Variants in LCA5 observed in about 807,000 individuals in gnomAD.
LCA5 encodes the protein lebercilin LCA5.
A neutral mutation model predicts 53.0 loss-of-function variants in LCA5; 37 were observed. The ratio of observed to expected loss-of-function variants is 0.70; its 90% CI spans 0.54 to 0.92. The LOEUF is 0.92. LCA5 is among the 40% of genes least tolerant of loss of function. The probability of loss-of-function intolerance (pLI) is 0.00; values close to 1 mark genes in which losing one functional copy is unlikely to be tolerated. For synonymous variants in LCA5, 303 were observed against 282.9 expected (o/e 1.07, Z -0.71); for missense variants, 806 against 790.5 (o/e 1.02, Z -0.23).
intron 6 of LCA5, among the ~76,000 whole-genome samples, chr6:79,489,749 A>G (rs1005908174): frequency 1.3e-5 from 2 of 152,194 alleles, no homozygotes; most frequent in African/African-American, 4.8e-5. Context: ...ATTTTTCTTA[A>G]TAAAAGTGAA....
At chr6:79,504,036 T>A (rs1281127474) in intron 3 of LCA5, among the ~76,000 whole-genome samples, 1 of 152,108 alleles carries the variant, frequency 6.6e-6, no homozygotes, top group Admixed American at 6.6e-5. Flanking sequence ...AAAATGTAAA[T>A]GCTCTAGAAT....
At chr6:79,492,154 A>T (rs1769861962) in intron 5 of LCA5, among the ~76,000 whole-genome samples, 1 of 152,062 alleles carries the variant, frequency 6.6e-6, no homozygotes, top group African/African-American at 2.4e-5. Flanking sequence ...GCTAAGATTT[A>T]CTTTATAATA....
chr6:79,491,724 C>T lies in LCA5; in HGVS notation c.962G>A (p.Cys321Tyr), dbSNP rs765076255. 1.9e-6 allele frequency: 3 copies of T among 1,612,380 alleles called. No individual in the cohort carries two copies. The highest frequency in any genetic ancestry group is 2.7e-5 in the African/African-American group (2 of 74,808). Residue 321 changes from cysteine to tyrosine, a missense_variant, in exon 6 of 8, where the codon TGC (cysteine) becomes TAC (tyrosine). Physicochemically the swap from Cys to Tyr is radical, Grantham distance 194. Coordinates refer to ENST00000369846, the MANE Select transcript of LCA5 (RefSeq NM_001122769.3). The stretch of plus-strand genomic sequence containing the variant: ...ACACAGGTCTGCAAAATCACTCTGG[C>T]ATGCAGCTACAGTGAAAATTATTTT... ...KELALRKNAA[C>Y]QSDFADLCTK... is the part of the protein sequence containing the mutation.
chr6:79,496,749 G>A (rs1275656987), intron 3 of LCA5, among the ~76,000 whole-genome samples: 1 of 152,042 alleles, frequency 6.6e-6, no homozygotes, highest in Non-Finnish European at 1.5e-5. Context: ...AAAAACAAAT[G>A]TGTAAGTTTT....
At chr6:79,526,727 A>C (rs1468637782) in intron 1 of LCA5, among the ~76,000 whole-genome samples, 1 of 152,170 alleles carries the variant, frequency 6.6e-6, no homozygotes, top group Non-Finnish European at 1.5e-5. Flanking sequence ...TAAAAAGAGT[A>C]AATCAAACTC....
chr6:79,532,547 C>A (rs556778276), intron 1 of LCA5, among the ~76,000 whole-genome samples: 2 of 152,168 alleles, frequency 1.3e-5, no homozygotes, highest in Non-Finnish European at 2.9e-5. Flanking sequence ...GGCAAACTAG[C>A]CTTCTTCTGT....
chr6:79,503,406 CA>C (rs1330069008), intron 3 of LCA5, among the ~76,000 whole-genome samples: 1 of 152,002 alleles, frequency 6.6e-6, no homozygotes, highest in East Asian at 1.9e-4. Flanking sequence ...GAAGAACTGC[CA>C]AAATTTGAAA....
At chr6:79,535,624 G>A in intron 1 of LCA5, among the ~76,000 whole-genome samples, 1 of 152,034 alleles carries the variant, frequency 6.6e-6, no homozygotes, top group East Asian at 1.9e-4. Flanking sequence ...GTTCAATATT[G>A]GACATACTGA....
intron 2 of LCA5, 77 bp from the exon 3 acceptor site, chr6:79,513,818 G>T: frequency 7.6e-7 from 1 of 1,308,244 alleles, no homozygotes; most frequent in Non-Finnish European, 1.1e-6. Flanking sequence ...AACACAAGTG[G>T]GTCCGTAACA....
At position 79,485,155 on chromosome 6, in the gene LCA5, T is replaced by C. The variant is rs1337632337; in HGVS notation, c.*1849A>G. The stretch of plus-strand genomic sequence containing the variant: ...TAATATCATAATGCCTTTAAATCTG[T>C]AACTTAACTTTAGGTTTAATTTTAA... On this transcript the variant is annotated 3_prime_UTR_variant, in exon 8 of 8. Coordinates refer to ENST00000369846, the MANE Select transcript of LCA5 (RefSeq NM_001122769.3). 2.2e-4 allele frequency: 33 copies of C among 152,616 alleles called. No homozygotes were observed. The highest frequency in any genetic ancestry group is 2.2e-3 in the Admixed American group (33 of 15,280). 9.5% of individuals were successfully genotyped at this position (152,616 alleles called of 1,614,324 possible). A position where few individuals can be genotyped will look rare whatever the true frequency, so the allele number is the denominator to read the frequency against.
intron 6 of LCA5, among the ~76,000 whole-genome samples, chr6:79,489,733 T>C (rs1208462219): frequency 1.3e-5 from 2 of 152,044 alleles, no homozygotes; most frequent in Non-Finnish European, 1.5e-5. Flanking sequence ...AATATATGGG[T>C]GTGTGATTTT....
intron 3 of LCA5, among the ~76,000 whole-genome samples, chr6:79,511,024 C>G (rs1770396713): frequency 6.7e-6 from 1 of 148,396 alleles, no homozygotes; most frequent in Non-Finnish European, 1.5e-5. Flanking sequence ...ATGATTGTTA[C>G]AAATGGAAAA....
At chr6:79,532,218 T>C (rs1261839606) in intron 1 of LCA5, among the ~76,000 whole-genome samples, 1 of 152,190 alleles carries the variant, frequency 6.6e-6, no homozygotes, top group Non-Finnish European at 1.5e-5. Flanking sequence ...TCTGACCATT[T>C]CTTACTGTCC....
Position 79,513,493 on chromosome 6 carries a change from G to A in LCA5, c.439C>T (p.Leu147=), listed in dbSNP as rs141291555. 2.5e-6 allele frequency: 4 copies of A among 1,613,664 alleles called. No homozygotes were observed. The highest frequency in any genetic ancestry group is 3.3e-5 in the Admixed American group (2 of 59,948). The change falls in exon 3 of 8, where the codon CTG becomes TTG. Residue 147 remains leucine, a synonymous_variant. Coordinates refer to ENST00000369846, the MANE Select transcript of LCA5 (RefSeq NM_001122769.3). The part of the protein sequence containing the change: ...KRLQYRQEKA[L]NKFEDAENEI... ...TTTTCGGCATCTTCAAACTTATTCAGGGCTTTCTCCTGTCTGTACTGAAGC... is the reference window on the plus strand; with the variant it reads ...TTTTCGGCATCTTCAAACTTATTCAAGGCTTTCTCCTGTCTGTACTGAAGC...
intron 7 of LCA5, chr6:79,488,689 A>G (rs1305926791): frequency 3.2e-6 from 1 of 310,514 alleles, no homozygotes; most frequent in African/African-American, 2.2e-5. Context: ...CAACTCACTC[A>G]CAAATAGTTC....
intron 6 of LCA5, among the ~76,000 whole-genome samples, chr6:79,490,643 G>A (rs369333337): frequency 2.6e-4 from 40 of 151,958 alleles, no homozygotes; most frequent in African/African-American, 8.2e-4. Context: ...ACAACTTAGC[G>A]GATACAACTA....
chr6:79,487,716 C>A lies in LCA5; in HGVS notation c.1382G>T (p.Arg461Ile). 1 of 1,613,870 alleles carries A rather than the reference C, an allele frequency of 6.2e-7. No homozygotes were observed. The highest frequency in any genetic ancestry group is 8.5e-7 in the Non-Finnish European group (1 of 1,179,822). ...AGCAAGTAGCATTTCTCTCTTCAGT[C>A]TTTCTTCTTCCTCTCCTTGCAATTT... ...MDKLQGEEEERLKREMLLAKL... is the reference protein window; with the variant it reads ...MDKLQGEEEEILKREMLLAKL... Residue 461 changes from arginine to isoleucine, a missense_variant, in exon 8 of 8, where the codon AGA (arginine) becomes ATA (isoleucine). Transcript: ENST00000369846.
upstream of LCA5, among the ~76,000 whole-genome samples, chr6:79,537,622 C>G (rs1432723682): frequency 1.3e-5 from 2 of 152,176 alleles, no homozygotes. Context: ...GGGCAAAACG[C>G]GGAGCGCTCC....
At chr6:79,525,276 A>G (rs1265828673) in intron 1 of LCA5, 1 of 152,218 alleles carries the variant, frequency 6.6e-6, no homozygotes, top group African/African-American at 2.4e-5. Context: ...TATACTTAAA[A>G]AAAAAGAAAA....
Sources: gnomAD v4.1 joint callset for allele counts (sites outside exome capture counted in the v4.1 genomes callset) on GRCh38, gnomAD v4.1.1 for gene constraint, MANE v1.5 for transcripts, NCBI Gene and HGNC (gene_info 2026-07-23, HGNC 2026-07-21) for gene names.